ARID2: variants seen among roughly 807,000 people sequenced by gnomAD.
ARID2 encodes the protein AT-rich interaction domain 2.
In ARID2, 32 loss-of-function variants were observed where a neutral mutation model predicts 184.6. The observed-to-expected ratio is 0.17, with a 90% CI of 0.13 to 0.23. The LOEUF (loss-of-function observed/expected upper bound fraction) is 0.23, where lower values mean the gene tolerates loss of function less well. ARID2 is among the 10% of genes least tolerant of loss of function. The pLI is 1.00. For missense variants in ARID2, 1,696 were observed against 2,197.6 expected (o/e 0.77, Z 4.56); for synonymous variants, 836 against 772.6 (o/e 1.08, Z -1.36).
chr12:45,903,737 T>C (rs2136471883), intron 20 of ARID2, among the ~76,000 whole-genome samples: 1 of 152,232 alleles, frequency 6.6e-6, no homozygotes, highest in Middle Eastern at 3.4e-3. Flanking sequence ...CTACAGTGTT[T>C]TTTAATTCAA....
intron 3 of ARID2, among the ~76,000 whole-genome samples, chr12:45,810,537 C>T (rs944535681): frequency 6.6e-6 from 1 of 152,008 alleles, no homozygotes; most frequent in African/African-American, 2.4e-5. Flanking sequence ...AAATGTATTG[C>T]TAGAGAACTA....
intron 16 of ARID2, among the ~76,000 whole-genome samples, chr12:45,865,536 T>G (rs1943818498): frequency 1.3e-5 from 2 of 152,118 alleles, no homozygotes; most frequent in African/African-American, 4.8e-5. Flanking sequence ...GTAAACAAAT[T>G]TATTAGGTTT....
At chr12:45,751,058 G>GA (rs1203581518) in intron 3 of ARID2, among the ~76,000 whole-genome samples, 1 of 152,124 alleles carries the variant, frequency 6.6e-6, no homozygotes, top group Non-Finnish European at 1.5e-5. Flanking sequence ...TGAGAACAGA[G>GA]AAAAATTATT....
chr12:45,770,204 G>A (rs1199224219), intron 3 of ARID2, among the ~76,000 whole-genome samples: 1 of 151,744 alleles, frequency 6.6e-6, no homozygotes, highest in Non-Finnish European at 1.5e-5. Flanking sequence ...AGTGAGCCGA[G>A]ATCGTGCCAC....
chr12:45,817,428 A>G (rs1043285471), intron 4 of ARID2, among the ~76,000 whole-genome samples: 5 of 151,888 alleles, frequency 3.3e-5, no homozygotes, highest in African/African-American at 1.2e-4. Flanking sequence ...GCCAAATGGT[A>G]TGTACATTTT....
intron 3 of ARID2, among the ~76,000 whole-genome samples, chr12:45,741,071 C>T (rs372071175): frequency 3.9e-4 from 59 of 152,302 alleles, no homozygotes; most frequent in African/African-American, 1.3e-3. Context: ...TTAACATCCA[C>T]TGATGGTTTG....
chr12:45,889,388 T>C (rs898744738), intron 16 of ARID2, among the ~76,000 whole-genome samples: 2 of 152,206 alleles, frequency 1.3e-5, no homozygotes, highest in East Asian at 3.8e-4. Flanking sequence ...TTGTATACTC[T>C]TGAATTTTCC....
chr12:45,774,513 G>GT lies in ARID2; in HGVS notation c.285-36904dup, dbSNP rs1165843562. On this transcript the variant is annotated intron_variant, in intron 3 of 20. Transcript: ENST00000334344. ...TTTAGCATCTTTTTCCCCTTTATGT[G>GT]TATGTATGCATGTGTGTACATGTTT... Among the ~76,000 whole-genome samples the GT allele has an allele frequency of 2.6e-5, 4 of 152,066 alleles. No individual in the cohort carries two copies. In the East Asian group the frequency reaches 5.8e-4, roughly 22 times the overall value.
At chr12:45,875,902 T>C (rs1391532849) in intron 16 of ARID2, among the ~76,000 whole-genome samples, 3 of 152,246 alleles carry the variant, frequency 2.0e-5, no homozygotes, top group African/African-American at 7.2e-5. Context: ...CCTCTACAAC[T>C]GTCTCCATAT....
chr12:45,787,738 A>G (rs1241640908), intron 3 of ARID2, among the ~76,000 whole-genome samples: 2 of 152,290 alleles, frequency 1.3e-5, no homozygotes, highest in South Asian at 2.1e-4. Context: ...GGCTGTTAGT[A>G]TATATTATCC....
chr12:45,731,347 A>G (rs1940993344), intron 3 of ARID2, 33 bp downstream of exon 3: 5 of 1,482,632 alleles, frequency 3.4e-6, no homozygotes, highest in Non-Finnish European at 4.7e-6. Context: ...TAGTATTTGG[A>G]AATAAGGGAC....
At chr12:45,793,398 T>G (rs1006732129) in intron 3 of ARID2, among the ~76,000 whole-genome samples, 11 of 152,106 alleles carry the variant, frequency 7.2e-5, no homozygotes, top group African/African-American at 2.7e-4. Context: ...TTTTTCATCT[T>G]TATTCTTTTT....
intron 16 of ARID2, among the ~76,000 whole-genome samples, chr12:45,865,485 T>C (rs1943817505): frequency 6.6e-6 from 1 of 152,124 alleles, no homozygotes; most frequent in African/African-American, 2.4e-5. Context: ...TGTTTGTTTT[T>C]GTCCTAGATG....
At chr12:45,886,401 T>C (rs1172769060) in intron 16 of ARID2, among the ~76,000 whole-genome samples, 1 of 152,154 alleles carries the variant, frequency 6.6e-6, no homozygotes, top group Non-Finnish European at 1.5e-5. Flanking sequence ...GCTGCCATCA[T>C]GGGTTGGCAT....
At chr12:45,853,895 AGTAGAATAACTGACAG>A (rs1213044315) in intron 15 of ARID2, among the ~76,000 whole-genome samples, 1 of 152,248 alleles carries the variant, frequency 6.6e-6, no homozygotes, top group Non-Finnish European at 1.5e-5. Flanking sequence ...CTTCAGAACT[AGTAGAATAACTGACAG>A]GTACCAGTCC....
chr12:45,765,317 C>T (rs1353567189), intron 3 of ARID2, among the ~76,000 whole-genome samples: 1 of 152,080 alleles, frequency 6.6e-6, no homozygotes, highest in Non-Finnish European at 1.5e-5. Flanking sequence ...AGTGATCCTC[C>T]CATGATAGCC....
chr12:45,901,030 G>T (rs1022397308), intron 20 of ARID2, among the ~76,000 whole-genome samples: 4 of 150,738 alleles, frequency 2.7e-5, no homozygotes, highest in Admixed American at 2.6e-4. Flanking sequence ...CATTTTGGTG[G>T]GTCCTTTCAA....
In ARID2 at chr12:45,738,188, G is replaced by T. The variant is rs180888329; in HGVS notation, c.284+6874G>T. 9.7e-4 allele frequency among the ~76,000 whole-genome samples: 147 copies of T among 152,004 alleles called. 1 individual carries two copies. The Middle Eastern group carries it at 0.01, about 11-fold the overall frequency. Reference sequence around the variant, plus strand: ...TGTGAAAATTTTGTTGGTCTGTCCTGGTATTTCGTAGTAGAGTTAACATGT... The same window carrying T: ...TGTGAAAATTTTGTTGGTCTGTCCTTGTATTTCGTAGTAGAGTTAACATGT... On this transcript the variant is annotated intron_variant, in intron 3 of 20. Coordinates refer to ENST00000334344, the MANE Select transcript of ARID2 (RefSeq NM_152641.4).
At chr12:45,887,592 C>T (rs1239490937) in intron 16 of ARID2, among the ~76,000 whole-genome samples, 2 of 152,122 alleles carry the variant, frequency 1.3e-5, no homozygotes, top group African/African-American at 4.8e-5. Flanking sequence ...CTCATAGACA[C>T]ATGGAAGTGT....
Sources: allele counts gnomAD v4.1 joint callset (sites outside exome capture counted in the v4.1 genomes callset), GRCh38; gene constraint gnomAD v4.1.1; transcripts MANE v1.5; gene names NCBI Gene and HGNC (gene_info 2026-07-23, HGNC 2026-07-21).